TRPM4: variants seen among roughly 807,000 people sequenced by gnomAD.
TRPM4 encodes the protein calcium-activated non-selective cation channel 1.
Under a neutral mutation model 135.6 loss-of-function variants are expected in TRPM4, and 124 were observed. That is an observed-to-expected ratio of 0.91 (90% CI 0.79 to 1.06). TRPM4 has a LOEUF of 1.06. TRPM4 is among the 50% of genes least tolerant of loss of function. The probability of loss-of-function intolerance (pLI) is 0.00; values close to 1 mark genes in which losing one functional copy is unlikely to be tolerated. For synonymous variants in TRPM4, 745 were observed against 705.6 expected (o/e 1.06, Z -0.88); for missense variants, 1,658 against 1,671.4 (o/e 0.99, Z 0.14).
At chr19:49,161,208 C>T (rs538624572) in intron 2 of TRPM4, among the ~76,000 whole-genome samples, 8 of 151,838 alleles carry the variant, frequency 5.3e-5, no homozygotes, top group South Asian at 2.1e-4. Context: ...GGGAAAACAA[C>T]GTGTAAAGTC....
At chr19:49,172,133 C>T (rs754070027) in intron 9 of TRPM4, 25 bp downstream of exon 9, 7 of 1,560,040 alleles carry the variant, frequency 4.5e-6, no homozygotes, top group Non-Finnish European at 5.3e-6. Context: ...CTCCAGTCTT[C>T]CCCCTCTCTC....
chr19:49,209,977 G>C (rs921227907), intron 20 of TRPM4, among the ~76,000 whole-genome samples: 1 of 152,070 alleles, frequency 6.6e-6, no homozygotes, highest in Non-Finnish European at 1.5e-5. Flanking sequence ...TCGAACTCCT[G>C]ACCTGAGGTG....
chr19:49,211,620 C>G lies in TRPM4; in HGVS notation c.*122C>G. The G allele has an allele frequency of 2.3e-6, 3 of 1,282,976 alleles. No homozygotes were observed. The highest frequency in any genetic ancestry group is 2.4e-5 in the South Asian group (2 of 84,296). The allele number at this position is 1,282,976 out of a possible 1,614,324, so 79.5% of individuals were successfully genotyped here. A position where few individuals can be genotyped will look rare whatever the true frequency, so the allele number is the denominator to read the frequency against. On this transcript the variant is annotated 3_prime_UTR_variant, in exon 25 of 25. Transcript: ENST00000252826. The surrounding 1 kb of genome is among the most constrained non-coding windows in gnomAD (Gnocchi z 4.8). Reference sequence around the variant, plus strand: ...TCCTTGAGGTGAGCCCCATGTCCATCTGGGCCACTGTCAGGACCACCTTTG... The same window carrying G: ...TCCTTGAGGTGAGCCCCATGTCCATGTGGGCCACTGTCAGGACCACCTTTG...
In TRPM4 at chr19:49,210,401, TTTCC is replaced by T; in HGVS notation, c.3325_3328del (p.Phe1109GlyfsTer13). 1 of 1,613,376 alleles carries T rather than the reference TTTCC, an allele frequency of 6.2e-7. No homozygotes were observed. Among genetic ancestry groups the T allele is most frequent in the Non-Finnish European group, 8.5e-7 (1 of 1,180,000 alleles). On this transcript the variant is annotated frameshift_variant and splice_region_variant, in exon 21 of 25. Coordinates refer to ENST00000252826, the MANE Select transcript of TRPM4 (RefSeq NM_017636.4). LOFTEE classifies it high-confidence loss of function. This position sits in a 1 kb window ranked among gnomAD's most constrained non-coding sequence, Gnocchi z 4.1. ...AGCCGTCCTCCCCGGCCCTCGAGCA[TTTCC>T]GTAAGAACAGAGCTTGGCTTAAAAA...
chr19:49,207,335 G>A (rs911031991), intron 20 of TRPM4, among the ~76,000 whole-genome samples: 4 of 151,860 alleles, frequency 2.6e-5, no homozygotes, highest in South Asian at 2.1e-4. Flanking sequence ...CCTAGTTTAC[G>A]ATTTTTAAAA....
chr19:49,178,291 C>T (rs1314173975), intron 9 of TRPM4, among the ~76,000 whole-genome samples: 1 of 152,132 alleles, frequency 6.6e-6, no homozygotes, highest in Non-Finnish European at 1.5e-5. Context: ...CGCCACTGCA[C>T]TCCAGACTGG....
chr19:49,196,588 G>A lies in TRPM4; in HGVS notation c.2359G>A (p.Val787Met). Residue 787 changes from valine to methionine, a missense_variant, in exon 17 of 25, where the codon GTG becomes ATG. Val to Met is a conservative substitution (Grantham distance 21). Around this residue, in one of 3 missense-constraint regions of TRPM4, gnomAD observed 1,412 missense variants for 1,408.7 expected, o/e 1.00. Coordinates refer to ENST00000252826, the MANE Select transcript of TRPM4 (RefSeq NM_017636.4). ...GAPVTIFMGN[V>M]VSYLLFLLLF... Reference sequence around the variant, plus strand: ...GCCGGTGACCATCTTCATGGGCAACGTGGTCAGCTACCTGCTGTTCCTGCT... The same window carrying A: ...GCCGGTGACCATCTTCATGGGCAACATGGTCAGCTACCTGCTGTTCCTGCT... The A allele has an allele frequency of 6.4e-7, 1 of 1,557,408 alleles. No individual in the cohort carries two copies.
In TRPM4 at chr19:49,168,436, G is replaced by A; in HGVS notation, c.612+13G>A. 1 of 1,613,988 alleles carries A rather than the reference G, an allele frequency of 6.2e-7. No individual in the cohort carries two copies. The highest frequency in any genetic ancestry group is 1.3e-5 in the African/African-American group (1 of 75,036). ...CATCAACCCCAAGGTGTGACCCAGG[G>A]ACTTGGAAAAGGGGGCTGGAGGCCT... On this transcript the variant is annotated intron_variant, in intron 5 of 24. Coordinates refer to ENST00000252826, the MANE Select transcript of TRPM4 (RefSeq NM_017636.4).
At chr19:49,181,227 C>A in intron 9 of TRPM4, 122 bp from the exon 10 acceptor site, 1 of 759,196 alleles carries the variant, frequency 1.3e-6, no homozygotes, top group East Asian at 2.6e-5. Context: ...CACACTCTGC[C>A]CAGTAGCAAC....
In TRPM4 at chr19:49,211,589, G is replaced by A. The variant is rs1280880221; in HGVS notation, c.*91G>A. ...TGGGCCTCGGCCCCCGCACCTGGTG[G>A]CCTTGTCCTTGAGGTGAGCCCCATG... is the stretch of plus-strand genomic sequence containing the variant. On this transcript the variant is annotated 3_prime_UTR_variant, in exon 25 of 25. Transcript: ENST00000252826. The surrounding 1 kb of genome is among the most constrained non-coding windows in gnomAD (Gnocchi z 4.8). 6.4e-7 allele frequency: 1 copy of A among 1,558,448 alleles called. No individual in the cohort carries two copies. The highest frequency in any genetic ancestry group is 1.4e-5 in the African/African-American group (1 of 73,836).
rs530013543 is a variant in TRPM4, at chr19:49,190,687, C to A, written c.2133-9C>A. 7 of 1,614,010 alleles carry A rather than the reference C, an allele frequency of 4.3e-6. No individual in the cohort carries two copies. The highest frequency in any genetic ancestry group is 1.3e-5 in the African/African-American group (1 of 75,024). On this transcript the variant is annotated splice_polypyrimidine_tract_variant and intron_variant, in intron 15 of 24. Coordinates refer to ENST00000252826, the MANE Select transcript of TRPM4 (RefSeq NM_017636.4). ...CTCATTTCTTGCTCTGTGCTTCCCC[C>A]CTTGCTAGGAAATCAGAAGAGGAGC...
At chr19:49,179,762 G>A (rs757269966) in intron 9 of TRPM4, among the ~76,000 whole-genome samples, 2 of 152,228 alleles carry the variant, frequency 1.3e-5, no homozygotes, top group African/African-American at 4.8e-5. Flanking sequence ...CTGAATGGAC[G>A]TCTGGGTTTT....
In TRPM4 at chr19:49,171,705, G is replaced by A. The variant is rs1438186663; in HGVS notation, c.986G>A (p.Gly329Asp). The A allele has an allele frequency of 5.6e-6, 9 of 1,613,818 alleles. No individual in the cohort carries two copies. The East Asian group carries it at 1.6e-4, about 28-fold the overall frequency. The change falls in exon 8 of 25, where the codon GGC (glycine) becomes GAC (aspartate). Residue 329 changes from glycine to aspartate, a missense_variant. Gly to Asp is a moderately conservative substitution (Grantham distance 94). Coordinates refer to ENST00000252826, the MANE Select transcript of TRPM4 (RefSeq NM_017636.4). This position sits in a 1 kb window ranked among gnomAD's most constrained non-coding sequence, Gnocchi z 4.7. ...CCAGGGAGTGGGGGAGCCAGGCAAG[G>A]CGAAGCCCGAGATCGAATCAGGCGT... ...LAPGSGGARQ[G>D]EARDRIRRFF...
chr19:49,166,343 C>G, intron 3 of TRPM4, 128 bp downstream of exon 3: 1 of 932,336 alleles, frequency 1.1e-6, no homozygotes. Flanking sequence ...CTCTCTTTGT[C>G]CCCTCCGCCC....
chr19:49,189,189 C>G, intron 14 of TRPM4, 98 bp downstream of exon 14: 1 of 1,536,872 alleles, frequency 6.5e-7, no homozygotes. Flanking sequence ...ATGGTCTTGA[C>G]CAGCCACTCT....
chr19:49,166,343 C>T (rs924054422), intron 3 of TRPM4, 128 bp downstream of exon 3: 73 of 932,216 alleles, frequency 7.8e-5, no homozygotes, highest in Non-Finnish European at 1.1e-4. Flanking sequence ...CTCTCTTTGT[C>T]CCCTCCGCCC....
chr19:49,203,186 C>T (rs564303186), intron 20 of TRPM4, among the ~76,000 whole-genome samples: 6 of 150,130 alleles, frequency 4.0e-5, no homozygotes, highest in South Asian at 4.2e-4. Flanking sequence ...CCACCGCGCC[C>T]CGCCTTTTTT....
chr19:49,187,817 T>C (rs1039122011), intron 12 of TRPM4, among the ~76,000 whole-genome samples: 2 of 152,098 alleles, frequency 1.3e-5, no homozygotes, highest in Non-Finnish European at 2.9e-5. Context: ...GAGTGCTGAT[T>C]GGTCAGGTTG....
In TRPM4 at chr19:49,188,722, G is replaced by T; in HGVS notation, c.1825G>T (p.Ala609Ser). The T allele has an allele frequency of 6.2e-7, 1 of 1,614,202 alleles. No individual in the cohort carries two copies. The highest frequency in any genetic ancestry group is 8.5e-7 in the Non-Finnish European group (1 of 1,180,042). ...ACGCCTGGAGCCTGACGCTGAGGAG[G>T]CAGCACGGAGGAAAGACCTGGCGTT... is the stretch of plus-strand genomic sequence containing the variant. ...MARLEPDAEE[A>S]ARRKDLAFKF... Residue 609 changes from alanine (A) to serine (S), a missense_variant, in exon 13 of 25, where the codon GCA becomes TCA. Physicochemically the swap from Ala to Ser is moderately conservative, Grantham distance 99. This residue lies in a region of TRPM4 where 1,412 missense variants were observed against 1,408.7 expected (regional missense o/e 1.00). Coordinates refer to ENST00000252826, the MANE Select transcript of TRPM4 (RefSeq NM_017636.4).
Sources: gnomAD v4.1 joint callset for allele counts (sites outside exome capture counted in the v4.1 genomes callset) on GRCh38, gnomAD v4.1.1 for gene constraint, gnomAD v4.1.1 regional missense constraint, Gnocchi (gnomAD v3.1) non-coding constraint, MANE v1.5 for transcripts, NCBI Gene and HGNC (gene_info 2026-07-23, HGNC 2026-07-21) for gene names.